Variants in ITLN2 observed in about 807,000 individuals in gnomAD.
The protein encoded by ITLN2 is intelectin-2.
In ITLN2, 29 loss-of-function variants were observed where a neutral mutation model predicts 39.4. That is an observed-to-expected ratio of 0.74 (90% CI 0.55 to 1.00). ITLN2 has a LOEUF of 1.00. ITLN2 is among the 50% of genes least tolerant of loss of function. The pLI, the probability that ITLN2 is intolerant of heterozygous loss-of-function variation, is 0.00. For missense variants in ITLN2, 412 were observed against 416.7 expected (o/e 0.99, Z 0.10); for synonymous variants, 156 against 153.4 (o/e 1.02, Z -0.12).
intron 6 of ITLN2, 184 bp downstream of exon 6, chr1:160,949,862 T>C: frequency 1.7e-6 from 1 of 587,078 alleles, no homozygotes; most frequent in Non-Finnish European, 3.0e-6. Flanking sequence ...ATAACAGCAA[T>C]TCTAACTTCA....
At position 160,950,535 on chromosome 1, in the gene ITLN2, G is replaced by T. The variant is rs1272918885; in HGVS notation, c.600+18C>A. The T allele has an allele frequency of 1.9e-6, 3 of 1,610,518 alleles. No homozygotes were observed. The African/African-American group carries it at 4.0e-5, about 22-fold the overall frequency. On this transcript the variant is annotated intron_variant, in intron 5 of 7. Coordinates refer to ENST00000368029, the MANE Select transcript of ITLN2 (RefSeq NM_080878.3). ...TGTTCACCAAAGAAAGTGCCCCCCA[G>T]CCAGCAGCCCTGTGTACCTGGTAGA...
chr1:160,946,667 C>T lies in ITLN2; in HGVS notation c.825+1262G>A, dbSNP rs189220309. Among the ~76,000 whole-genome samples the T allele has an allele frequency of 4.8e-3, 728 of 150,392 alleles. 7 individuals are homozygous for T. The highest frequency in any genetic ancestry group is 0.017 in the African/African-American group (687 of 40,878). On this transcript the variant is annotated intron_variant, in intron 7 of 7. Transcript: ENST00000368029. The stretch of plus-strand genomic sequence containing the variant: ...GGTGGAGCTTGCAGTAAGCTGAGAT[C>T]GCGCCACTGCACTCCAGCCTTGGTG...
intron 2 of ITLN2, 88 bp downstream of exon 2, chr1:160,954,299 G>T: frequency 9.7e-7 from 1 of 1,034,078 alleles, no homozygotes; most frequent in Non-Finnish European, 1.4e-6. Context: ...CTTGACTTCA[G>T]AGCCCTGCCC....
intron 3 of ITLN2, chr1:160,951,526 GAC>G (rs1570975294): frequency 2.0e-6 from 1 of 510,340 alleles, no homozygotes. Context: ...TCTTAGAAGA[GAC>G]AGAGATGGTA....
At chr1:160,947,211 G>A (rs184922514) in intron 7 of ITLN2, among the ~76,000 whole-genome samples, 7 of 152,320 alleles carry the variant, frequency 4.6e-5, no homozygotes, top group Admixed American at 1.3e-4. Context: ...TACTGTGCCC[G>A]GATGTGCACA....
chr1:160,953,318 T>C (rs1671787805), intron 2 of ITLN2, among the ~76,000 whole-genome samples: 1 of 152,046 alleles, frequency 6.6e-6, no homozygotes, highest in Non-Finnish European at 1.5e-5. Flanking sequence ...AAACCAAAGC[T>C]GAAAAATTAA....
chr1:160,951,349 C>T (rs1340676480), intron 3 of ITLN2, 59 bp from the exon 4 acceptor site: 13 of 1,520,690 alleles, frequency 8.5e-6, no homozygotes, highest in Non-Finnish European at 9.7e-6. Flanking sequence ...CATCTCAGCT[C>T]CGTGAATAGA....
intron 2 of ITLN2, among the ~76,000 whole-genome samples, chr1:160,953,818 A>C (rs1178925872): frequency 6.6e-6 from 1 of 152,174 alleles, no homozygotes; most frequent in Non-Finnish European, 1.5e-5. Flanking sequence ...CATCTTTAAG[A>C]TGTCATTAAT....
At chr1:160,954,471 CA>C in intron 1 of ITLN2, 21 bp from the exon 2 acceptor site, 2 of 1,560,614 alleles carry the variant, frequency 1.3e-6, no homozygotes, top group Non-Finnish European at 1.7e-6. Context: ...ACAAGATGCA[CA>C]AGGTCACTGG....
Position 160,947,955 on chromosome 1 carries a change from T to G in ITLN2, c.799A>C (p.Lys267Gln), listed in dbSNP as rs375464101. The G allele has an allele frequency of 7.4e-6, 12 of 1,614,010 alleles. No homozygotes were observed. In the African/African-American group the frequency reaches 1.6e-4, roughly 22 times the overall value. ...RAANALCAGI[K>Q]VTGCNTEHHC... The stretch of plus-strand genomic sequence containing the variant: ...TGCTCAGTGTTACAGCCAGTAACTT[T>G]TATCCCAGCACAAAGGGCGTTGGCT... The change falls in exon 7 of 8, where the codon AAA (lysine) becomes CAA (glutamine). Residue 267 changes from lysine (K) to glutamine (Q), a missense_variant. Coordinates refer to ENST00000368029, the MANE Select transcript of ITLN2 (RefSeq NM_080878.3).
chr1:160,953,303 T>A (rs560498103), intron 2 of ITLN2, among the ~76,000 whole-genome samples: 1 of 152,102 alleles, frequency 6.6e-6, no homozygotes, highest in East Asian at 1.9e-4. Flanking sequence ...TACAAAGAAG[T>A]CTGGAAACCA....
intron 3 of ITLN2, among the ~76,000 whole-genome samples, chr1:160,952,241 C>T (rs1008758606): frequency 6.6e-6 from 1 of 152,174 alleles, no homozygotes; most frequent in African/African-American, 2.4e-5. Flanking sequence ...TGTCACCTGG[C>T]CCAGTACAAG....
rs1294187216 is a variant in ITLN2, at chr1:160,952,667, A to C, written c.146T>G (p.Leu49Arg). The C allele has an allele frequency of 6.2e-7, 1 of 1,614,128 alleles. No individual in the cohort carries two copies. Among genetic ancestry groups the C allele is most frequent in the East Asian group, 2.2e-5 (1 of 44,888 alleles). Residue 49 changes from leucine (L) to arginine (R), a missense_variant, in exon 3 of 8, where the codon CTG becomes CGG. By Grantham distance (102) the Leu-to-Arg change is moderately radical. Transcript: ENST00000368029. Reference sequence around the variant, plus strand: ...CTTGATTTCTTTGCAGCTTCTAGGCAGGGAAGAAAAGGAGAAGGCACAGGT... The same window carrying C: ...CTTGATTTCTTTGCAGCTTCTAGGCCGGGAAGAAAAGGAGAAGGCACAGGT... ...FETCAFSFSS[L>R]PRSCKEIKER...
intron 2 of ITLN2, 25 bp from the exon 3 acceptor site, chr1:160,952,758 A>T (rs780351424): frequency 3.9e-6 from 6 of 1,551,332 alleles, no homozygotes; most frequent in Non-Finnish European, 4.4e-6. Flanking sequence ...AATGAGTCTC[A>T]TTAGAAGTCT....
At position 160,951,048 on chromosome 1, in the gene ITLN2, A is replaced by G. The variant is rs201788372; in HGVS notation, c.436T>C (p.Tyr146His). The G allele has an allele frequency of 2.5e-6, 4 of 1,614,172 alleles. No homozygotes were observed. The highest frequency in any genetic ancestry group is 1.7e-5 in the Admixed American group (1 of 60,020). The part of the protein sequence containing the change: ...GSAEAATSDD[Y>H]KNPGYYDIQA... ...AGGAGAGAAGTGGCACCAACCTTGT[A>G]GTCATCGCTCGTGGCCGCCTCTGCA... Residue 146 changes from tyrosine (Y) to histidine (H), a missense_variant, in exon 4 of 8, where the codon TAC becomes CAC. Coordinates refer to ENST00000368029, the MANE Select transcript of ITLN2 (RefSeq NM_080878.3).
chr1:160,952,164 A>C (rs1671760161), intron 3 of ITLN2, among the ~76,000 whole-genome samples: 1 of 152,198 alleles, frequency 6.6e-6, no homozygotes, highest in Non-Finnish European at 1.5e-5. Flanking sequence ...TGGCTCTAAA[A>C]AGGGTTTGTT....
chr1:160,950,637 A>G lies in ITLN2; in HGVS notation c.516T>C (p.His172=), dbSNP rs143503379. The part of the protein sequence containing the change: ...WHVPNKSPMQ[H]WRNSALLRYR... Reference sequence around the variant, plus strand: ...ACCTCAGCAGGGCGCTGTTTCTCCAATGCTGCATGGGGGACTTGTTGGGCA... The same window carrying G: ...ACCTCAGCAGGGCGCTGTTTCTCCAGTGCTGCATGGGGGACTTGTTGGGCA... Residue 172 remains histidine, a synonymous_variant, in exon 5 of 8, where the codon CAT becomes CAC. Transcript: ENST00000368029. The G allele has an allele frequency of 4.4e-4, 706 of 1,614,186 alleles. 2 individuals are homozygous for G. The highest frequency in any genetic ancestry group is 9.1e-4 in the South Asian group (83 of 91,092).
At chr1:160,948,150 C>T in intron 6 of ITLN2, 118 bp from the exon 7 acceptor site, 1 of 758,720 alleles carries the variant, frequency 1.3e-6, no homozygotes, top group Non-Finnish European at 2.2e-6. Context: ...CCAAACACCC[C>T]AGGCTGTAGG....
chr1:160,954,768 TC>T lies in ITLN2; in HGVS notation c.-28del, dbSNP rs372216006. 2.9e-4 allele frequency: 473 copies of T among 1,613,432 alleles called. 1 individual carries two copies. In the African/African-American group the frequency reaches 5.1e-3, roughly 17 times the overall value. ...CTTACAGATGCCAGGAGCTGATAGT[TC>T]CCTTCCTGTGGACACTCGGAGCTCC... On this transcript the variant is annotated 5_prime_UTR_variant, in exon 1 of 8. Coordinates refer to ENST00000368029, the MANE Select transcript of ITLN2 (RefSeq NM_080878.3).
Sources: gnomAD v4.1 joint callset for allele counts (sites outside exome capture counted in the v4.1 genomes callset) on GRCh38, gnomAD v4.1.1 for gene constraint, MANE v1.5 for transcripts, NCBI Gene and HGNC (gene_info 2026-07-23, HGNC 2026-07-21) for gene names.